Variants in BMAL2 observed in about 807,000 individuals in gnomAD.
BMAL2 encodes the protein basic helix-loop-helix ARNT like 2.
At chr12:27,342,485 G>A in the BMAL2 span, among the ~76,000 whole-genome samples, 1 of 152,112 alleles carries the variant, frequency 6.6e-6, no homozygotes, top group African/African-American at 2.4e-5. Context: ...ACAGTAGATG[G>A]GATTGAAATT....
the BMAL2 span, among the ~76,000 whole-genome samples, chr12:27,338,831 G>A: frequency 6.6e-6 from 1 of 152,184 alleles, no homozygotes; most frequent in African/African-American, 2.4e-5. Flanking sequence ...TAAGAAAGCC[G>A]GAAAGCTCAC....
chr12:27,344,044 A>G, the BMAL2 span, among the ~76,000 whole-genome samples: 3 of 152,322 alleles, frequency 2.0e-5, no homozygotes, highest in South Asian at 2.1e-4. Flanking sequence ...AATGCTTTGC[A>G]TGGTATAATT....
chr12:27,387,368 C>T, the BMAL2 span: 8 of 1,296,916 alleles, frequency 6.2e-6, no homozygotes, highest in South Asian at 1.2e-5. Context: ...ATTTTTTGAA[C>T]AAACACATAT....
At chr12:27,402,627 G>A in the BMAL2 span, 10 of 1,612,332 alleles carry the variant, frequency 6.2e-6, no homozygotes, top group East Asian at 2.2e-5. Flanking sequence ...AGGGGACATA[G>A]TGAGCCTGGA....
At chr12:27,336,947 C>CAAAAA in the BMAL2 span, among the ~76,000 whole-genome samples, 2 of 73,804 alleles carry the variant, frequency 2.7e-5, no homozygotes, top group African/African-American at 5.4e-5. Context: ...GAGACTGTCT[C>CAAAAA]AAAAAAAAAA....
the BMAL2 span, among the ~76,000 whole-genome samples, chr12:27,342,969 A>T: frequency 2.0e-5 from 3 of 152,266 alleles, no homozygotes; most frequent in Non-Finnish European, 4.4e-5. Context: ...TAAGCAAAAC[A>T]GCCTGATCTT....
chr12:27,400,622 T>C, the BMAL2 span: 4 of 1,613,782 alleles, frequency 2.5e-6, no homozygotes, highest in Non-Finnish European at 3.4e-6. Flanking sequence ...AAAGGAACAG[T>C]AAGAAAGACA....
chr12:27,384,857 C>T, the BMAL2 span, among the ~76,000 whole-genome samples: 55 of 152,202 alleles, frequency 3.6e-4, no homozygotes, highest in Non-Finnish European at 5.1e-4. Flanking sequence ...CCACAGCTAA[C>T]GGGGGACTAC....
the BMAL2 span, among the ~76,000 whole-genome samples, chr12:27,407,046 C>T: frequency 1.3e-5 from 2 of 152,032 alleles, no homozygotes; most frequent in Admixed American, 6.6e-5. Context: ...GAGCTAACTA[C>T]CCTAAATATA....
the BMAL2 span, among the ~76,000 whole-genome samples, chr12:27,371,103 T>C: frequency 6.6e-6 from 1 of 152,240 alleles, no homozygotes; most frequent in Non-Finnish European, 1.5e-5. Context: ...CTGGGTACTA[T>C]GTCAGCAAAT....
chr12:27,348,671 G>A, the BMAL2 span, among the ~76,000 whole-genome samples: 1 of 152,028 alleles, frequency 6.6e-6, no homozygotes, highest in African/African-American at 2.4e-5. Flanking sequence ...ATTCATGACA[G>A]TAAATAGGAA....
the BMAL2 span, among the ~76,000 whole-genome samples, chr12:27,343,353 T>C: frequency 6.6e-6 from 1 of 152,370 alleles, no homozygotes; most frequent in East Asian, 1.9e-4. Flanking sequence ...TTATGAACAC[T>C]GATGCATTTT....
chr12:27,373,761 G>T, the BMAL2 span, among the ~76,000 whole-genome samples: 2 of 152,142 alleles, frequency 1.3e-5, no homozygotes, highest in African/African-American at 4.8e-5. Flanking sequence ...TAGAAAGAAT[G>T]CCTACATTTC....
chr12:27,364,063 C>T, the BMAL2 span, among the ~76,000 whole-genome samples: 7 of 152,130 alleles, frequency 4.6e-5, no homozygotes, highest in African/African-American at 9.7e-5. Flanking sequence ...TCTGCTTCTA[C>T]GATGGTATCT....
chr12:27,415,348 A>G, the BMAL2 span, among the ~76,000 whole-genome samples: 1 of 152,188 alleles, frequency 6.6e-6, no homozygotes, highest in South Asian at 2.1e-4. Flanking sequence ...CCTCAATGTC[A>G]ACTGCCTTCT....
chr12:27,390,672 G>A, the BMAL2 span, among the ~76,000 whole-genome samples: 1 of 152,166 alleles, frequency 6.6e-6, no homozygotes, highest in Admixed American at 6.5e-5. Context: ...TTTTTTATGA[G>A]ATGGTGATTC....
At chr12:27,420,670 A>T in the BMAL2 span, 4 of 1,028,352 alleles carry the variant, frequency 3.9e-6, no homozygotes, top group Non-Finnish European at 5.3e-6. Context: ...ATAGATTTGC[A>T]TCTTCCTGTC....
chr12:27,396,601 C>G, the BMAL2 span, among the ~76,000 whole-genome samples: 1 of 152,164 alleles, frequency 6.6e-6, no homozygotes, highest in South Asian at 2.1e-4. Context: ...AGGGAGTGGG[C>G]GCCTGCTGTA....
the BMAL2 span, among the ~76,000 whole-genome samples, chr12:27,377,910 GT>G: frequency 6.6e-6 from 1 of 152,154 alleles, no homozygotes; most frequent in South Asian, 2.1e-4. Context: ...GGCAGGGGGT[GT>G]GGTAGCTCCC....
Sources: gnomAD v4.1 joint callset for allele counts (sites outside exome capture counted in the v4.1 genomes callset) on GRCh38, gnomAD v4.1.1 for gene constraint, MANE v1.5 for transcripts, NCBI Gene and HGNC (gene_info 2026-07-23, HGNC 2026-07-21) for gene names.